GIPR: variants seen among roughly 807,000 people sequenced by gnomAD.
The protein encoded by GIPR is gastric inhibitory polypeptide receptor.
In GIPR, 74 loss-of-function variants were observed where a neutral mutation model predicts 62.2. The ratio of observed to expected loss-of-function variants is 1.19; its 90% CI spans 0.99 to 1.44. GIPR has a LOEUF of 1.44. GIPR is among the 40% of genes most tolerant of loss of function. The pLI is 0.00. For missense variants in GIPR, 664 were observed against 611.8 expected (o/e 1.09, Z -0.90); for synonymous variants, 256 against 262.2 (o/e 0.98, Z 0.23).
chr19:45,677,317 G>C lies in GIPR; in HGVS notation c.794-6G>C. Reference sequence around the variant, plus strand: ...GGGTGGGGGGGCGGGGTCGGGGTCTGCACAGGGGCCCCCGCGCTTTTCGTC... The same window carrying C: ...GGGTGGGGGGGCGGGGTCGGGGTCTCCACAGGGGCCCCCGCGCTTTTCGTC... On this transcript the variant is annotated splice_polypyrimidine_tract_variant and splice_region_variant and intron_variant, in intron 8 of 13. Coordinates refer to ENST00000590918, the MANE Select transcript of GIPR (RefSeq NM_000164.4). 1 of 1,569,118 alleles carries C rather than the reference G, an allele frequency of 6.4e-7. No individual in the cohort carries two copies. The highest frequency in any genetic ancestry group is 8.7e-7 in the Non-Finnish European group (1 of 1,153,024).
In GIPR at chr19:45,681,864, C is replaced by A; in HGVS notation, c.1330C>A (p.Arg444Ser). The A allele has an allele frequency of 6.4e-7, 1 of 1,554,476 alleles. No homozygotes were observed. Among genetic ancestry groups the A allele is most frequent in the Non-Finnish European group, 8.7e-7 (1 of 1,148,530 alleles). The change falls in exon 14 of 14, where the codon CGC becomes AGC. Residue 444 changes from arginine (R) to serine (S), a missense_variant. Transcript: ENST00000590918. ...CGGCCCGGGCGAGGTCCCCACCAGC[C>A]GCGGCTTGTCCTCGGGGACCCTCCC... is the stretch of plus-strand genomic sequence containing the variant. Reference protein sequence around the residue: ...GSGPGEVPTSRGLSSGTLPGP... With the variant: ...GSGPGEVPTSSGLSSGTLPGP...
chr19:45,678,139 G>T lies in GIPR; in HGVS notation c.1065G>T (p.Val355=), dbSNP rs1357051547. The T allele has an allele frequency of 6.2e-7, 1 of 1,611,618 alleles. No individual in the cohort carries two copies. The highest frequency in any genetic ancestry group is 1.3e-5 in the African/African-American group (1 of 74,998). The change falls in exon 12 of 14, where the codon GTG becomes GTT. Residue 355 remains valine (V), a synonymous_variant. Coordinates refer to ENST00000590918, the MANE Select transcript of GIPR (RefSeq NM_000164.4). ...TLVPLLGVHE[V]VFAPVTEEQA... is the part of the protein sequence containing the mutation. ...TGCCCCTGCTGGGTGTCCACGAGGT[G>T]GTGTTTGCTCCCGTGACAGAGGAAC...
chr19:45,674,335 C>A (rs751478470), intron 6 of GIPR, 158 bp downstream of exon 6: 7 of 698,476 alleles, frequency 1.0e-5, no homozygotes, highest in African/African-American at 1.8e-5. Flanking sequence ...TGGCCGGGAG[C>A]GGTGGCTGAT....
At chr19:45,669,423 G>T in intron 1 of GIPR, 54 bp from the exon 2 acceptor site, 1 of 1,504,470 alleles carries the variant, frequency 6.6e-7, no homozygotes, top group Non-Finnish European at 8.9e-7. Flanking sequence ...GCGGGGTGAC[G>T]CTGGGGTTGG....
chr19:45,677,426 G>T (rs1244309919), intron 9 of GIPR, 43 bp downstream of exon 9: 1 of 1,274,024 alleles, frequency 7.8e-7, no homozygotes, highest in South Asian at 1.2e-5. Context: ...GGTGGGCGGG[G>T]CTTTGAGGGA....
rs1966970464 is a variant in GIPR at position 45,676,998 on chromosome 19, G to T, written c.683G>T (p.Gly228Val). 6.2e-7 allele frequency: 1 copy of T among 1,613,956 alleles called. No homozygotes were observed. ...CAGATCGTGACCCAGTACTGCGTGGGTGCCAACTACACGTGGCTGCTGGTG... is the reference window on the plus strand; with the variant it reads ...CAGATCGTGACCCAGTACTGCGTGGTTGCCAACTACACGTGGCTGCTGGTG... ...TAQIVTQYCV[G>V]ANYTWLLVEG... Residue 228 changes from glycine to valine, a missense_variant, in exon 8 of 14, where the codon GGT becomes GTT. Physicochemically the swap from Gly to Val is moderately radical, Grantham distance 109 (BLOSUM62 -3). Transcript: ENST00000590918.
chr19:45,669,563 C>T lies in GIPR; in HGVS notation c.43C>T (p.Leu15=). Residue 15 remains leucine, a synonymous_variant, in exon 2 of 14, where the codon CTG becomes TTG. Coordinates refer to ENST00000590918, the MANE Select transcript of GIPR (RefSeq NM_000164.4). ...PILQLLLRLS[L]CGLLLQRAET... ...CCTGCAGCTGCTGCTGCGGCTCTCACTGTGCGGGCTGCTGCTCCAGAGGGC... is the reference window on the plus strand; with the variant it reads ...CCTGCAGCTGCTGCTGCGGCTCTCATTGTGCGGGCTGCTGCTCCAGAGGGC... The T allele has an allele frequency of 1.3e-6, 2 of 1,581,202 alleles. No individual in the cohort carries two copies. Among genetic ancestry groups the T allele is most frequent in the Non-Finnish European group, 1.7e-6 (2 of 1,166,590 alleles).
intron 12 of GIPR, 108 bp from the exon 13 acceptor site, chr19:45,681,496 T>G: frequency 1.1e-6 from 1 of 924,126 alleles, no homozygotes; most frequent in Non-Finnish European, 1.7e-6. Context: ...ATTCCGACTC[T>G]TAAAAACAAA....
intron 5 of GIPR, 120 bp from the exon 6 acceptor site, chr19:45,673,954 G>T: frequency 1.0e-5 from 8 of 774,790 alleles, no homozygotes; most frequent in Non-Finnish European, 1.7e-5. Flanking sequence ...AGGGTAAGCA[G>T]TTCCCCAAGA....
chr19:45,669,342 G>C (rs1023900843), intron 1 of GIPR, 135 bp from the exon 2 acceptor site: 1 of 798,574 alleles, frequency 1.3e-6, no homozygotes, highest in Non-Finnish European at 2.0e-6. Flanking sequence ...TTGCGGGAGC[G>C]GGTGCGCTGC....
Position 45,676,996 on chromosome 19 carries a change from G to C in GIPR, c.681G>C (p.Val227=). The C allele has an allele frequency of 6.2e-7, 1 of 1,614,100 alleles. No individual in the cohort carries two copies. The highest frequency in any genetic ancestry group is 8.5e-7 in the Non-Finnish European group (1 of 1,179,986). ...RTAQIVTQYC[V]GANYTWLLVE... is the part of the protein sequence containing the mutation. ...CCCAGATCGTGACCCAGTACTGCGTGGGTGCCAACTACACGTGGCTGCTGG... is the reference window on the plus strand; with the variant it reads ...CCCAGATCGTGACCCAGTACTGCGTCGGTGCCAACTACACGTGGCTGCTGG... The change falls in exon 8 of 14, where the codon GTG becomes GTC. Residue 227 remains valine (V), a synonymous_variant. Coordinates refer to ENST00000590918, the MANE Select transcript of GIPR (RefSeq NM_000164.4).
intron 6 of GIPR, 103 bp from the exon 7 acceptor site, chr19:45,674,579 C>A: frequency 9.6e-7 from 1 of 1,039,504 alleles, no homozygotes; most frequent in Non-Finnish European, 1.5e-6. Context: ...TGCATTCTAG[C>A]CTGGGTGACA....
intron 12 of GIPR, among the ~76,000 whole-genome samples, chr19:45,679,689 C>T (rs1357114664): frequency 2.0e-5 from 3 of 152,016 alleles, no homozygotes; most frequent in Non-Finnish European, 4.4e-5. Flanking sequence ...TCACTGCAGC[C>T]TTGGACTCCT....
In GIPR at chr19:45,677,895, T is replaced by C; in HGVS notation, c.925-11T>C. 1.2e-6 allele frequency: 2 copies of C among 1,613,096 alleles called. No individual in the cohort carries two copies. Among genetic ancestry groups the C allele is most frequent in the Non-Finnish European group, 1.7e-6 (2 of 1,179,196 alleles). ...GATCGCGGCTGGCTCAGCCCTTATC[T>C]CTCCCCACAGATTAATTTCCTCATT... is the stretch of plus-strand genomic sequence containing the variant. On this transcript the variant is annotated splice_polypyrimidine_tract_variant and intron_variant, in intron 10 of 13. Coordinates refer to ENST00000590918, the MANE Select transcript of GIPR (RefSeq NM_000164.4).
At position 45,676,965 on chromosome 19, in the gene GIPR, G is replaced by A; in HGVS notation, c.650G>A (p.Arg217His). Residue 217 changes from arginine to histidine, a missense_variant, in exon 8 of 14, where the codon CGC becomes CAC. By Grantham distance (29) the Arg-to-His change is conservative (BLOSUM62 0). Transcript: ENST00000590918. ...CCTCCCTAGGCCCTCGCTGCCTGCCGCACGGCCCAGATCGTGACCCAGTAC... is the reference window on the plus strand; with the variant it reads ...CCTCCCTAGGCCCTCGCTGCCTGCCACACGGCCCAGATCGTGACCCAGTAC... ...ALWNQALAAC[R>H]TAQIVTQYCV... 1 of 1,613,966 alleles carries A rather than the reference G, an allele frequency of 6.2e-7. No individual in the cohort carries two copies. The highest frequency in any genetic ancestry group is 1.1e-5 in the South Asian group (1 of 91,078).
chr19:45,676,947 A>G lies in GIPR; in HGVS notation c.634-2A>G, dbSNP rs749179744. 13 of 1,613,618 alleles carry G rather than the reference A, an allele frequency of 8.1e-6. No individual in the cohort carries two copies. The highest frequency in any genetic ancestry group is 1.7e-5 in the Admixed American group (1 of 60,000). On this transcript the variant is annotated splice_acceptor_variant, in intron 7 of 13. Coordinates refer to ENST00000590918, the MANE Select transcript of GIPR (RefSeq NM_000164.4). LOFTEE classifies it high-confidence loss of function. ...CCCTCTACCGGTCTGGCCCCTCCCTAGGCCCTCGCTGCCTGCCGCACGGCC... is the reference window on the plus strand; with the variant it reads ...CCCTCTACCGGTCTGGCCCCTCCCTGGGCCCTCGCTGCCTGCCGCACGGCC...
chr19:45,675,857 G>C (rs1179168746), intron 7 of GIPR, among the ~76,000 whole-genome samples: 1 of 151,934 alleles, frequency 6.6e-6, no homozygotes, highest in East Asian at 1.9e-4. Context: ...GATAGTGCCA[G>C]TGCAATCTGG....
At chr19:45,676,273 C>CAGT (rs971885203) in intron 7 of GIPR, among the ~76,000 whole-genome samples, 1 of 150,538 alleles carries the variant, frequency 6.6e-6, no homozygotes, top group Non-Finnish European at 1.5e-5. Flanking sequence ...GCAGGGAGTT[C>CAGT]AGTTCTTAGA....
In GIPR at chr19:45,674,089, T is replaced by C. The variant is rs765396606; in HGVS notation, c.400T>C (p.Leu134=). 3.1e-5 allele frequency: 50 copies of C among 1,611,170 alleles called. No individual in the cohort carries two copies. Among genetic ancestry groups the C allele is most frequent in the Non-Finnish European group, 4.2e-5 (49 of 1,177,306 alleles). The change falls in exon 6 of 14, where the codon TTG becomes CTG. Residue 134 remains leucine, a synonymous_variant. Transcript: ENST00000590918. The part of the protein sequence containing the change: ...NEAFLDQRLI[L]ERLQVMYTVG... The stretch of plus-strand genomic sequence containing the variant: ...CCCCGACCAGGACCAAAGGCTCATC[T>C]TGGAGCGGTTGCAGGTCATGTACAC...
Sources: gnomAD v4.1 joint callset for allele counts (sites outside exome capture counted in the v4.1 genomes callset) on GRCh38, gnomAD v4.1.1 for gene constraint, MANE v1.5 for transcripts, NCBI Gene and HGNC (gene_info 2026-07-23, HGNC 2026-07-21) for gene names.